ATAD2B: variants seen among roughly 807,000 people sequenced by gnomAD.
ATAD2B encodes ATPase family AAA domain-containing protein 2B.
Under a neutral mutation model 167.6 loss-of-function variants are expected in ATAD2B, and 40 were observed. The observed-to-expected ratio is 0.24, with a 90% CI of 0.19 to 0.31. ATAD2B has a LOEUF of 0.31. ATAD2B is among the 10% of genes least tolerant of loss of function. ATAD2B has a pLI of 1.00. For synonymous variants in ATAD2B, 579 were observed against 596.5 expected (o/e 0.97, Z 0.43); for missense variants, 1,242 against 1,757.2 (o/e 0.71, Z 5.24).
chr2:23,814,508 CCAA>C (rs1686122218), intron 17 of ATAD2B, among the ~76,000 whole-genome samples: 1 of 152,040 alleles, frequency 6.6e-6, no homozygotes, highest in South Asian at 2.1e-4. Flanking sequence ...AGGCAGAAAC[CCAA>C]AAGATTGGAG....
chr2:23,752,016 G>T lies in ATAD2B; in HGVS notation c.*30C>A. 1.3e-6 allele frequency: 2 copies of T among 1,521,566 alleles called. No homozygotes were observed. The highest frequency in any genetic ancestry group is 1.8e-6 in the Non-Finnish European group (2 of 1,116,630). 94.3% of individuals were successfully genotyped at this position (1,521,566 alleles called of 1,614,324 possible). A position where few individuals can be genotyped will look rare whatever the true frequency, so the allele number is the denominator to read the frequency against. ...AAGACTGCTCTGTGAGGAGCAGATT[G>T]GAGAGGATAAACCACTCATCTTGAA... On this transcript the variant is annotated 3_prime_UTR_variant, in exon 28 of 28. Coordinates refer to ENST00000238789, the MANE Select transcript of ATAD2B (RefSeq NM_017552.4).
chr2:23,781,377 T>TAAATAATC (rs1553382265), intron 22 of ATAD2B, among the ~76,000 whole-genome samples: 13 of 149,680 alleles, frequency 8.7e-5, no homozygotes, highest in African/African-American at 3.0e-4. Flanking sequence ...AATAAATAAA[T>TAAATAATC]AATCAGGCTG....
At chr2:23,825,285 T>A (rs1240840620) in intron 15 of ATAD2B, among the ~76,000 whole-genome samples, 1 of 151,830 alleles carries the variant, frequency 6.6e-6, no homozygotes, top group Non-Finnish European at 1.5e-5. Context: ...ATAGAACACT[T>A]AAATACTGAA....
At chr2:23,802,007 A>C (rs1024995184) in intron 18 of ATAD2B, among the ~76,000 whole-genome samples, 1 of 152,080 alleles carries the variant, frequency 6.6e-6, no homozygotes, top group African/African-American at 2.4e-5. Context: ...AAAAATTTTA[A>C]ACCCAAATGT....
chr2:23,921,857 A>C (rs776650240), intron 1 of ATAD2B, among the ~76,000 whole-genome samples: 26 of 152,172 alleles, frequency 1.7e-4, no homozygotes, highest in Non-Finnish European at 2.9e-4. Context: ...TGTTCTGATG[A>C]ACTTATATTT....
downstream of ATAD2B, among the ~76,000 whole-genome samples, chr2:23,747,339 A>G (rs1674948759): frequency 1.3e-5 from 2 of 151,204 alleles, no homozygotes; most frequent in African/African-American, 4.9e-5. Flanking sequence ...TTACACATAC[A>G]TACATAGTAT....
Position 23,751,650 on chromosome 2 carries a change from T to C in ATAD2B, c.*396A>G, listed in dbSNP as rs998399971. The C allele has an allele frequency of 1.2e-5, 2 of 172,458 alleles. No homozygotes were observed. Among genetic ancestry groups the C allele is most frequent in the Non-Finnish European group, 2.4e-5 (2 of 82,224 alleles). The allele number at this position is 172,458 out of a possible 1,614,324, so 10.7% of individuals were successfully genotyped here. ...GAAAAAAAAATAACAAGTTGCCCAC[T>C]GTTTAAACAATTCAACACAGTTAGA... On this transcript the variant is annotated 3_prime_UTR_variant, in exon 28 of 28. Transcript: ENST00000238789.
intron 1 of ATAD2B, among the ~76,000 whole-genome samples, chr2:23,924,231 C>T (rs956676115): frequency 2.0e-5 from 3 of 152,072 alleles, no homozygotes; most frequent in Non-Finnish European, 4.4e-5. Context: ...AAAGGAGAAA[C>T]TCCTCAATTA....
chr2:23,864,779 A>T, intron 11 of ATAD2B, 30 bp downstream of exon 11: 1 of 1,055,244 alleles, frequency 9.5e-7, no homozygotes, highest in Non-Finnish European at 1.4e-6. Flanking sequence ...AACAGTAATA[A>T]CAATAATAAA....
At chr2:23,721,254 A>G in the ATAD2B span, among the ~76,000 whole-genome samples, 1 of 152,186 alleles carries the variant, frequency 6.6e-6, no homozygotes, top group Non-Finnish European at 1.5e-5. Flanking sequence ...CCCCATGCAG[A>G]CAAGTCCCTG....
chr2:23,715,645 TAGAC>T, the ATAD2B span, among the ~76,000 whole-genome samples: 1 of 152,204 alleles, frequency 6.6e-6, no homozygotes, highest in Non-Finnish European at 1.5e-5. Flanking sequence ...TTGGTATTAA[TAGAC>T]AGCTAAAGTT....
intron 1 of ATAD2B, among the ~76,000 whole-genome samples, chr2:23,907,872 A>G (rs1413427854): frequency 1.3e-5 from 2 of 152,242 alleles, no homozygotes; most frequent in Non-Finnish European, 2.9e-5. Flanking sequence ...AAACCTGACA[A>G]AAACAAGAAA....
intron 27 of ATAD2B, among the ~76,000 whole-genome samples, chr2:23,753,577 T>A (rs1371023789): frequency 6.6e-6 from 1 of 152,170 alleles, no homozygotes; most frequent in Non-Finnish European, 1.5e-5. Flanking sequence ...TAGAAGCTCA[T>A]ATTTATACAG....
At chr2:23,827,083 A>AT (rs890043382) in intron 15 of ATAD2B, among the ~76,000 whole-genome samples, 24 of 149,706 alleles carry the variant, frequency 1.6e-4, no homozygotes, top group Middle Eastern at 3.4e-3. Flanking sequence ...TCTGAATTTG[A>AT]TTTTTTTTTT....
At chr2:23,872,941 CA>C in intron 8 of ATAD2B, 1 of 757,914 alleles carries the variant, frequency 1.3e-6, no homozygotes. Context: ...GGCATTGTAC[CA>C]GTCGCTGAAG....
At chr2:23,918,201 A>AC (rs1183874766) in intron 1 of ATAD2B, among the ~76,000 whole-genome samples, 1 of 112,266 alleles carries the variant, frequency 8.9e-6, no homozygotes, top group African/African-American at 3.2e-5. Flanking sequence ...CCTTGTCTCT[A>AC]CAAAAAAAAA....
rs529823951 is a variant in ATAD2B at position 23,800,642 on chromosome 2, T to C, written c.2455-2319A>G. 1.9e-4 allele frequency among the ~76,000 whole-genome samples: 29 copies of C among 152,304 alleles called. No homozygotes were observed. The Middle Eastern group carries it at 0.01, about 54-fold the overall frequency. ...GATATTGAACTCAAATTGAACATGA[T>C]GTTGTATTGACCCCATTAAAAAATT... is the stretch of plus-strand genomic sequence containing the variant. On this transcript the variant is annotated intron_variant, in intron 18 of 27. Coordinates refer to ENST00000238789, the MANE Select transcript of ATAD2B (RefSeq NM_017552.4).
At chr2:23,747,834 A>G (rs2149282558), downstream of ATAD2B, among the ~76,000 whole-genome samples, 1 of 152,262 alleles carries the variant, frequency 6.6e-6, no homozygotes, top group Middle Eastern at 3.4e-3. Flanking sequence ...GTCAGGGTAC[A>G]GGGATAACAT....
At chr2:23,903,044 G>A (rs950932150) in intron 1 of ATAD2B, among the ~76,000 whole-genome samples, 25 of 152,032 alleles carry the variant, frequency 1.6e-4, no homozygotes, top group Non-Finnish European at 3.7e-4. Flanking sequence ...AGCCCAGCCT[G>A]GGCAAAATGG....
Sources: gnomAD v4.1 joint callset for allele counts (sites outside exome capture counted in the v4.1 genomes callset) on GRCh38, gnomAD v4.1.1 for gene constraint, MANE v1.5 for transcripts, NCBI Gene and HGNC (gene_info 2026-07-23, HGNC 2026-07-21) for gene names.